Variants in HMGCLL1 observed in about 807,000 individuals in gnomAD.
HMGCLL1 encodes 3-hydroxymethyl-3-methylglutaryl-CoA lyase, cytoplasmic.
Under a neutral mutation model 39.1 loss-of-function variants are expected in HMGCLL1, and 36 were observed. That is an observed-to-expected ratio of 0.92 (90% CI 0.71 to 1.22). HMGCLL1 has a LOEUF of 1.22. Ranked by LOEUF, HMGCLL1 falls within the 50% of genes most tolerant of loss-of-function variation. The pLI is 0.00. For missense variants in HMGCLL1, 451 were observed against 416.5 expected (o/e 1.08, Z -0.72); for synonymous variants, 149 against 144.0 (o/e 1.03, Z -0.25).
the HMGCLL1 span, among the ~76,000 whole-genome samples, chr6:55,678,270 C>CT: frequency 3.3e-5 from 5 of 152,220 alleles, no homozygotes; most frequent in East Asian, 9.7e-4. Context: ...CCTCCAAATC[C>CT]TTTATCAGAG....
At chr6:55,516,461 A>G (rs765627829) in intron 4 of HMGCLL1, 47 bp downstream of exon 4, 10 of 1,223,162 alleles carry the variant, frequency 8.2e-6, no homozygotes, top group Non-Finnish European at 1.2e-5. Context: ...ATATCTTTAA[A>G]ACGATAAGAG....
At chr6:55,653,430 G>A in the HMGCLL1 span, among the ~76,000 whole-genome samples, 1 of 151,940 alleles carries the variant, frequency 6.6e-6, no homozygotes, top group Admixed American at 6.6e-5. Context: ...TTTTCAAGAG[G>A]CAGATCTTAG....
chr6:55,557,091 AC>A (rs1770715599), intron 1 of HMGCLL1, among the ~76,000 whole-genome samples: 1 of 152,104 alleles, frequency 6.6e-6, no homozygotes, highest in African/African-American at 2.4e-5. Context: ...AGATTCAATC[AC>A]CCTAATGATA....
the HMGCLL1 span, among the ~76,000 whole-genome samples, chr6:55,638,399 C>T: frequency 1.1e-5 from 1 of 91,744 alleles, no homozygotes; most frequent in South Asian, 4.3e-4. Context: ...AAGAGCGAAA[C>T]TCAGTCTCAA....
chr6:55,661,226 C>T, the HMGCLL1 span, among the ~76,000 whole-genome samples: 1 of 151,782 alleles, frequency 6.6e-6, no homozygotes, highest in Non-Finnish European at 1.5e-5. Flanking sequence ...TTAATTGGAT[C>T]CTATTTGTTA....
chr6:55,556,380 T>C (rs1770667357), intron 1 of HMGCLL1, among the ~76,000 whole-genome samples: 1 of 152,164 alleles, frequency 6.6e-6, no homozygotes, highest in African/African-American at 2.4e-5. Context: ...ACAGACATCC[T>C]GAGGAACAGC....
At chr6:55,670,360 AG>A in the HMGCLL1 span, among the ~76,000 whole-genome samples, 122 of 152,034 alleles carry the variant, frequency 8.0e-4, 2 homozygotes, top group Admixed American at 4.9e-3. Flanking sequence ...GTTAAAAAAA[AG>A]TACTTCAGAC....
the HMGCLL1 span, among the ~76,000 whole-genome samples, chr6:55,637,888 A>C: frequency 6.6e-6 from 1 of 152,252 alleles, no homozygotes. Flanking sequence ...TAAATCCAAG[A>C]GGAAGGGCAC....
At chr6:55,452,475 C>T (rs949821861) in intron 7 of HMGCLL1, among the ~76,000 whole-genome samples, 13 of 152,176 alleles carry the variant, frequency 8.5e-5, no homozygotes, top group Admixed American at 8.5e-4. Context: ...GAAACATGGC[C>T]TGAATTTCTG....
At chr6:55,466,563 A>C (rs1372793599) in intron 7 of HMGCLL1, among the ~76,000 whole-genome samples, 1 of 152,068 alleles carries the variant, frequency 6.6e-6, no homozygotes, top group Non-Finnish European at 1.5e-5. Flanking sequence ...TTGGTCACCT[A>C]GTCACTCATG....
At chr6:55,566,165 G>A (rs148908000) in intron 1 of HMGCLL1, among the ~76,000 whole-genome samples, 37 of 152,200 alleles carry the variant, frequency 2.4e-4, no homozygotes, top group African/African-American at 8.4e-4. Context: ...TGTACACCCA[G>A]TGGGTTACAG....
the HMGCLL1 span, among the ~76,000 whole-genome samples, chr6:55,621,903 T>A: frequency 1.3e-5 from 2 of 152,064 alleles, no homozygotes; most frequent in African/African-American, 4.8e-5. Flanking sequence ...TAGACCCAGT[T>A]TTTTGACAGG....
intron 7 of HMGCLL1, among the ~76,000 whole-genome samples, chr6:55,470,736 C>T (rs1312392552): frequency 6.6e-6 from 1 of 151,706 alleles, no homozygotes; most frequent in Admixed American, 6.6e-5. Flanking sequence ...AATTGACTCA[C>T]AGTGCTGTAT....
chr6:55,562,338 T>G (rs771216817), intron 1 of HMGCLL1, among the ~76,000 whole-genome samples: 1 of 152,104 alleles, frequency 6.6e-6, no homozygotes, highest in South Asian at 2.1e-4. Context: ...TTTTCTATCC[T>G]TCTTTAAGTT....
intron 7 of HMGCLL1, among the ~76,000 whole-genome samples, chr6:55,484,334 C>T (rs924634976): frequency 6.6e-6 from 1 of 151,912 alleles, no homozygotes; most frequent in African/African-American, 2.4e-5. Flanking sequence ...CCTCAAACTA[C>T]TCTGCTCTGA....
chr6:55,453,774 T>C (rs1054016886), intron 7 of HMGCLL1, among the ~76,000 whole-genome samples: 22 of 152,302 alleles, frequency 1.4e-4, no homozygotes, highest in Admixed American at 3.9e-4. Flanking sequence ...AGGAAAAAGA[T>C]TGTTGTTAAG....
intron 3 of HMGCLL1, among the ~76,000 whole-genome samples, chr6:55,538,713 CTACT>C (rs1447192131): frequency 6.6e-6 from 1 of 151,972 alleles, no homozygotes; most frequent in Non-Finnish European, 1.5e-5. Context: ...CATTGAGCAC[CTACT>C]TACTATGTAC....
In HMGCLL1 at chr6:55,486,657, T is replaced by C. The variant is rs796118238; in HGVS notation, c.795+8762A>G. Among the ~76,000 whole-genome samples, 7 of 152,116 alleles carry C rather than the reference T, an allele frequency of 4.6e-5. No individual in the cohort carries two copies. In the South Asian group the frequency reaches 8.3e-4, roughly 18 times the overall value. On this transcript the variant is annotated intron_variant, in intron 7 of 8. Transcript: ENST00000274901. ...ACCTTTATCTTTTATCACCGTCACC[T>C]TACATACACTCACAAGCAATTCTTA...
intron 7 of HMGCLL1, among the ~76,000 whole-genome samples, chr6:55,493,076 T>G (rs939822956): frequency 6.7e-6 from 1 of 150,020 alleles, no homozygotes; most frequent in African/African-American, 2.4e-5. Flanking sequence ...AAAAATACAT[T>G]ACAATATATG....
Sources: gnomAD v4.1 joint callset for allele counts (sites outside exome capture counted in the v4.1 genomes callset) on GRCh38, gnomAD v4.1.1 for gene constraint, MANE v1.5 for transcripts, NCBI Gene and HGNC (gene_info 2026-07-23, HGNC 2026-07-21) for gene names.